The following SGCZ variants were observed in gnomAD, a reference collection of about 807,000 sequenced individuals.
The protein encoded by SGCZ is sarcoglycan zeta, also known as zeta-sarcoglycan.
SGCZ carries 40 observed loss-of-function variants against 41.3 expected under a neutral mutation model. The observed-to-expected ratio is 0.97, with a 90% CI of 0.75 to 1.26. The LOEUF is 1.26. Ranked by LOEUF, SGCZ falls within the 50% of genes most tolerant of loss-of-function variation. The pLI, the probability that SGCZ is intolerant of heterozygous loss-of-function variation, is 0.00. For missense variants in SGCZ, 552 were observed against 369.8 expected, an observed-to-expected ratio of 1.49 and a Z score of -4.04; for synonymous variants, 206 against 137.5, an observed-to-expected ratio of 1.50 and a Z score of -3.49.
chr8:14,792,510 A>T (rs1447769067), intron 1 of SGCZ, among the ~76,000 whole-genome samples: 1 of 152,074 alleles, frequency 6.6e-6, no homozygotes, highest in Admixed American at 6.6e-5. Context: ...GTAAAATCCA[A>T]TAATCACTTG....
chr8:14,639,106 G>T (rs951531698), intron 1 of SGCZ, among the ~76,000 whole-genome samples: 5 of 148,716 alleles, frequency 3.4e-5, no homozygotes, highest in African/African-American at 1.2e-4. Context: ...GAGTGCAGTG[G>T]TGCACTCTTG....
Position 14,545,111 on chromosome 8 carries a change from C to A in SGCZ, c.234+9621G>T, listed in dbSNP as rs139626115. On this transcript the variant is annotated intron_variant, in intron 2 of 7. Transcript: ENST00000382080. The stretch of plus-strand genomic sequence containing the variant: ...GTACTGTCTCTCTTTATTTCTCAGC[C>A]GGCTGACACTTATGGAAAATAGAAA... 7.8e-3 allele frequency among the ~76,000 whole-genome samples: 1,193 copies of A among 152,140 alleles called. 14 individuals carry two copies. The highest frequency in any genetic ancestry group is 0.027 in the African/African-American group (1,135 of 41,504).
chr8:15,232,066 A>C (rs977412452), intron 1 of SGCZ, among the ~76,000 whole-genome samples: 1 of 152,234 alleles, frequency 6.6e-6, no homozygotes, highest in Non-Finnish European at 1.5e-5. Flanking sequence ...TTACTCATTT[A>C]AACAGTTACC....
chr8:14,396,204 C>A (rs1298357377), intron 2 of SGCZ, among the ~76,000 whole-genome samples: 1 of 152,122 alleles, frequency 6.6e-6, no homozygotes. Flanking sequence ...ACTCTTATAT[C>A]TGCTTCTTAT....
At chr8:14,810,114 C>CA (rs547427017) in intron 1 of SGCZ, among the ~76,000 whole-genome samples, 50 of 151,714 alleles carry the variant, frequency 3.3e-4, no homozygotes, top group African/African-American at 1.0e-3. Flanking sequence ...GAAGTAATGG[C>CA]AAAAAAATTT....
chr8:14,658,873 A>G (rs911610509), intron 1 of SGCZ, among the ~76,000 whole-genome samples: 1 of 152,028 alleles, frequency 6.6e-6, no homozygotes, highest in Non-Finnish European at 1.5e-5. Context: ...AAGGAAAAAA[A>G]GAGAAAAGAA....
chr8:14,458,180 A>T (rs1049178955), intron 2 of SGCZ, among the ~76,000 whole-genome samples: 3 of 152,212 alleles, frequency 2.0e-5, no homozygotes, highest in Non-Finnish European at 4.4e-5. Context: ...GAATAAATAA[A>T]ATCAACCACA....
At chr8:14,156,756 C>G (rs748506770) in intron 5 of SGCZ, among the ~76,000 whole-genome samples, 1 of 152,072 alleles carries the variant, frequency 6.6e-6, no homozygotes, top group Non-Finnish European at 1.5e-5. Context: ...ATACCCGTAG[C>G]CCAGGTCTAC....
intron 3 of SGCZ, among the ~76,000 whole-genome samples, chr8:14,310,199 C>A (rs1018750503): frequency 1.3e-4 from 20 of 152,014 alleles, no homozygotes; most frequent in African/African-American, 4.8e-4. Flanking sequence ...TTATTTGTTT[C>A]CCTATTTGAT....
At chr8:14,830,587 G>T (rs1272584827) in intron 1 of SGCZ, among the ~76,000 whole-genome samples, 1 of 152,042 alleles carries the variant, frequency 6.6e-6, no homozygotes, top group African/African-American at 2.4e-5. Context: ...TAAAATTCTA[G>T]TGTGCTATTT....
At chr8:14,578,686 A>T (rs1259380929) in intron 1 of SGCZ, among the ~76,000 whole-genome samples, 2 of 152,212 alleles carry the variant, frequency 1.3e-5, no homozygotes, top group Non-Finnish European at 2.9e-5. Flanking sequence ...AATAAGGGAT[A>T]TTACTTGTAA....
intron 1 of SGCZ, among the ~76,000 whole-genome samples, chr8:14,691,866 T>C (rs1213168775): frequency 6.6e-6 from 1 of 152,020 alleles, no homozygotes; most frequent in Non-Finnish European, 1.5e-5. Context: ...TACATAATTT[T>C]ATAACTGTTT....
chr8:14,255,095 C>T (rs768654979), intron 3 of SGCZ, among the ~76,000 whole-genome samples: 3 of 152,098 alleles, frequency 2.0e-5, no homozygotes, highest in Non-Finnish European at 2.9e-5. Context: ...TTCTCTCTCT[C>T]GTCTCCCTCC....
At chr8:14,278,133 G>C (rs776091333) in intron 3 of SGCZ, among the ~76,000 whole-genome samples, 1 of 151,852 alleles carries the variant, frequency 6.6e-6, no homozygotes, top group Non-Finnish European at 1.5e-5. Context: ...CTATTGTCTG[G>C]TTTGGCTAGC....
intron 2 of SGCZ, among the ~76,000 whole-genome samples, chr8:14,344,603 G>T (rs1366291984): frequency 1.3e-5 from 2 of 151,966 alleles, no homozygotes; most frequent in African/African-American, 4.8e-5. Flanking sequence ...GGAAAAGGGG[G>T]GAACGAAAGG....
At chr8:14,147,755 A>G (rs933304578) in intron 5 of SGCZ, among the ~76,000 whole-genome samples, 5 of 152,206 alleles carry the variant, frequency 3.3e-5, no homozygotes, top group African/African-American at 1.2e-4. Flanking sequence ...TACAAAATAC[A>G]TATTCTTTTC....
At chr8:14,738,651 G>A (rs1041357460) in intron 1 of SGCZ, among the ~76,000 whole-genome samples, 4 of 151,920 alleles carry the variant, frequency 2.6e-5, no homozygotes, top group African/African-American at 9.7e-5. Context: ...AGCCCATTTG[G>A]GTTTAATAGA....
chr8:14,093,187 C>G (rs867201756), intron 7 of SGCZ, among the ~76,000 whole-genome samples: 1 of 152,058 alleles, frequency 6.6e-6, no homozygotes, highest in African/African-American at 2.4e-5. Flanking sequence ...TCTGCTTTCT[C>G]TCTCTTTGCC....
chr8:14,709,130 G>A lies in SGCZ; in HGVS notation c.40-154204C>T, dbSNP rs117795371. On this transcript the variant is annotated intron_variant, in intron 1 of 7. Coordinates refer to ENST00000382080, the MANE Select transcript of SGCZ (RefSeq NM_139167.4). ...TCTCCTTTTTTGTGCTCTTACCATA[G>A]AAGAAAAGTATTTTGTCATGATCTA... Among the ~76,000 whole-genome samples the A allele has an allele frequency of 3.2e-3, 488 of 152,148 alleles. 7 individuals carry two copies. Among genetic ancestry groups the A allele is most frequent in the Middle Eastern group, 0.027 (8 of 294 alleles).
Sources: gnomAD v4.1 joint callset for allele counts (sites outside exome capture counted in the v4.1 genomes callset) on GRCh38, gnomAD v4.1.1 for gene constraint, MANE v1.5 for transcripts, NCBI Gene and HGNC (gene_info 2026-07-23, HGNC 2026-07-21) for gene names.